The following PROM2 variants were observed in gnomAD, a reference collection of about 807,000 sequenced individuals.
The protein encoded by PROM2 is prominin 2.
PROM2 carries 90 observed loss-of-function variants against 110.2 expected under a neutral mutation model. The ratio of observed to expected loss-of-function variants is 0.82; its 90% CI spans 0.69 to 0.97. The LOEUF (loss-of-function observed/expected upper bound fraction) is 0.97, where lower values mean the gene tolerates loss of function less well. Ranked by LOEUF, PROM2 falls within the 50% of genes least tolerant of loss-of-function variation. The probability of loss-of-function intolerance (pLI) is 0.00; values close to 1 mark genes in which losing one functional copy is unlikely to be tolerated. For missense variants in PROM2, 1,009 were observed against 1,074.8 expected (o/e 0.94, Z 0.86); for synonymous variants, 470 against 467.8 (o/e 1.00, Z -0.06).
rs768787731 is a variant in PROM2 at position 95,277,942 on chromosome 2, G to C, written c.988G>C (p.Asp330His). The C allele has an allele frequency of 2.5e-6, 4 of 1,612,248 alleles. No homozygotes were observed. The highest frequency in any genetic ancestry group is 3.4e-6 in the Non-Finnish European group (4 of 1,179,534). Residue 330 changes from aspartate (D) to histidine (H), a missense_variant, in exon 8 of 24, where the codon GAC (aspartate) becomes CAC (histidine). By Grantham distance (81) the Asp-to-His change is moderately conservative. Coordinates refer to ENST00000317620, the MANE Select transcript of PROM2 (RefSeq NM_001165978.3). ...TCCCCCATTTCAGGTGCCCTCTGTG[G>C]ACCATGTCCTGCACCAGCTAAAAGG... Reference protein sequence around the residue: ...GADFSQVPSVDHVLHQLKGVP... With the variant: ...GADFSQVPSVHHVLHQLKGVP...
At chr2:95,287,259 T>C in intron 19 of PROM2, 46 bp downstream of exon 19, 3 of 1,583,874 alleles carry the variant, frequency 1.9e-6, no homozygotes, top group Non-Finnish European at 2.6e-6. Context: ...CCCAGGCTTC[T>C]CCAGTCCCAG....
chr2:95,285,357 T>C (rs190009286), intron 15 of PROM2, among the ~76,000 whole-genome samples: 1 of 152,314 alleles, frequency 6.6e-6, no homozygotes, highest in East Asian at 1.9e-4. Context: ...TTGCTGTTCA[T>C]GGTCCTGAAC....
intron 6 of PROM2, 141 bp downstream of exon 6, chr2:95,277,202 C>A (rs1325130108): frequency 4.5e-6 from 5 of 1,108,812 alleles, no homozygotes; most frequent in Non-Finnish European, 6.4e-6. Flanking sequence ...CAGGATCCAG[C>A]CCCCCTCCCC....
chr2:95,279,283 T>A (rs1676884962), intron 10 of PROM2, 139 bp downstream of exon 10: 1 of 697,210 alleles, frequency 1.4e-6, no homozygotes, highest in Non-Finnish European at 2.2e-6. Context: ...TGTTTGTTTG[T>A]TTGTTTTTGT....
chr2:95,282,636 C>T (rs570274576), intron 14 of PROM2, among the ~76,000 whole-genome samples: 9 of 152,250 alleles, frequency 5.9e-5, no homozygotes, highest in Non-Finnish European at 1.0e-4. Flanking sequence ...GCCAAGCTCA[C>T]GCAGGTGGGA....
At chr2:95,286,992 C>A in intron 18 of PROM2, 135 bp downstream of exon 18, 4 of 1,265,876 alleles carry the variant, frequency 3.2e-6, no homozygotes, top group Non-Finnish European at 4.5e-6. Context: ...ATGGGGGTGG[C>A]AGCAGAGCCT....
intron 9 of PROM2, 72 bp from the exon 10 acceptor site, chr2:95,278,913 C>G: frequency 6.2e-7 from 1 of 1,601,614 alleles, no homozygotes; most frequent in Non-Finnish European, 8.5e-7. Flanking sequence ...AGATGTTCTT[C>G]CTGCCCGCTT....
chr2:95,284,890 C>G (rs1677254124), intron 14 of PROM2, 79 bp from the exon 15 acceptor site: 1 of 1,452,086 alleles, frequency 6.9e-7, no homozygotes, highest in African/African-American at 1.4e-5. Context: ...CGCCTGGTGA[C>G]CCCTGTGCTT....
chr2:95,276,755 C>A lies in PROM2; in HGVS notation c.682+98C>A. The A allele has an allele frequency of 7.3e-7, 1 of 1,373,452 alleles. No homozygotes were observed. The highest frequency in any genetic ancestry group is 1.0e-6 in the Non-Finnish European group (1 of 976,628). 85.1% of individuals were successfully genotyped at this position (1,373,452 alleles called of 1,614,324 possible). A position where few individuals can be genotyped will look rare whatever the true frequency, so the allele number is the denominator to read the frequency against. On this transcript the variant is annotated intron_variant, in intron 5 of 23. Transcript: ENST00000317620. The surrounding 1 kb of genome is among the most constrained non-coding windows in gnomAD (Gnocchi z 4.6). ...TCTCACTCCCTCATTCTGGACACCC[C>A]CGGGAACAGGCTGGTAGAGGTGGGG...
chr2:95,284,977 C>T lies in PROM2; in HGVS notation c.1737C>T (p.Asn579=), dbSNP rs1340279717. Residue 579 remains asparagine (N), a synonymous_variant, in exon 15 of 24, where the codon AAC becomes AAT. Transcript: ENST00000317620. ...TGCGCCTGCTCTCCCAGTATACCAA[C>T]AAGCTACGGCAGGAGTTGCAGAGCC... ...EEHLDINQYT[N]KLRQELQSLK... 6.2e-7 allele frequency: 1 copy of T among 1,610,416 alleles called. No individual in the cohort carries two copies. The highest frequency in any genetic ancestry group is 8.5e-7 in the Non-Finnish European group (1 of 1,178,164).
At position 95,277,046 on chromosome 2, in the gene PROM2, G is replaced by A; in HGVS notation, c.757G>A (p.Gly253Ser). The change falls in exon 6 of 24, where the codon GGC (glycine) becomes AGC (serine). Residue 253 changes from glycine (G) to serine (S), a missense_variant. Transcript: ENST00000317620. ...CGTGTACCCCTTGCTGGCGGCCGTG[G>A]GCAGTTTGGGCCAGGGTGAGCTGGA... is the stretch of plus-strand genomic sequence containing the variant. ...SSVYPLLAAV[G>S]SLGQVLQVSV... 6.4e-7 allele frequency: 1 copy of A among 1,551,680 alleles called. No homozygotes were observed. Among genetic ancestry groups the A allele is most frequent in the Non-Finnish European group, 8.7e-7 (1 of 1,147,066 alleles).
In PROM2 at chr2:95,274,740, C is replaced by G. The variant is rs765125055; in HGVS notation, c.155C>G (p.Pro52Arg). 6.2e-7 allele frequency: 1 copy of G among 1,612,050 alleles called. No homozygotes were observed. Among genetic ancestry groups the G allele is most frequent in the South Asian group, 1.1e-5 (1 of 91,036 alleles). ...TPAARARWLA[P>R]RVRAPGLLDS... ...GCAGCCAGGGCCCGGTGGCTGGCCCCTCGAGTTCGTGCGCCAGGACTCCTG... is the reference window on the plus strand; with the variant it reads ...GCAGCCAGGGCCCGGTGGCTGGCCCGTCGAGTTCGTGCGCCAGGACTCCTG... The change falls in exon 1 of 24, where the codon CCT (proline) becomes CGT (arginine). Residue 52 changes from proline (P) to arginine (R), a missense_variant. By Grantham distance (103) the Pro-to-Arg change is moderately radical. Transcript: ENST00000317620.
chr2:95,286,208 G>A (rs1369129157), intron 16 of PROM2, among the ~76,000 whole-genome samples: 1 of 152,234 alleles, frequency 6.6e-6, no homozygotes, highest in Non-Finnish European at 1.5e-5. Context: ...CACAGGGTGG[G>A]CAGAGCCAGA....
At position 95,284,932 on chromosome 2, in the gene PROM2, A is replaced by C. The variant is rs761902775; in HGVS notation, c.1729-37A>C. On this transcript the variant is annotated intron_variant, in intron 14 of 23. Transcript: ENST00000317620. ...GCATCTCTGGGGTCCTGGCTCAGCA[A>C]CTGGGCATGACTCCCACCCTGCGCC... is the stretch of plus-strand genomic sequence containing the variant. 61 of 1,591,436 alleles carry C rather than the reference A, an allele frequency of 3.8e-5. No homozygotes were observed. In the Middle Eastern group the frequency reaches 5.0e-4, roughly 13 times the overall value.
In PROM2 at chr2:95,275,038, T is replaced by C. The variant is rs554692771; in HGVS notation, c.244+209T>C. The C allele has an allele frequency of 5.4e-6, 3 of 559,224 alleles. No homozygotes were observed. The highest frequency in any genetic ancestry group is 3.6e-4 in the Middle Eastern group (1 of 2,740). The allele number at this position is 559,224 out of a possible 1,614,324, so 34.6% of individuals were successfully genotyped here. A position where few individuals can be genotyped will look rare whatever the true frequency, so the allele number is the denominator to read the frequency against. On this transcript the variant is annotated intron_variant, in intron 1 of 23. Coordinates refer to ENST00000317620, the MANE Select transcript of PROM2 (RefSeq NM_001165978.3). The surrounding 1 kb of genome is among the most constrained non-coding windows in gnomAD (Gnocchi z 4.4). ...TCCTCTCTGAGCCTCAGGTGCTCTG[T>C]CTGTAAAGTGAGGAGGTTACATTGG...
intron 22 of PROM2, 137 bp downstream of exon 22, chr2:95,288,726 T>A: frequency 3.6e-6 from 3 of 829,376 alleles, no homozygotes; most frequent in Non-Finnish European, 5.8e-6. Flanking sequence ...AGAGCCACAC[T>A]CTGAGGAGCT....
intron 15 of PROM2, 100 bp from the exon 16 acceptor site, chr2:95,285,539 T>G: frequency 1.1e-6 from 1 of 931,468 alleles, no homozygotes; most frequent in East Asian, 2.7e-5. Flanking sequence ...TGGTGTAGGT[T>G]ATATTTGATA....
rs143453446 is a variant in PROM2, at chr2:95,278,316, C to T, written c.1050+312C>T. On this transcript the variant is annotated intron_variant, in intron 8 of 23. Coordinates refer to ENST00000317620, the MANE Select transcript of PROM2 (RefSeq NM_001165978.3). ...GGGAGGATGCGGTGTTGTGAGTCAG[C>T]GCCCAGGACCCAGGACCTGGAGCTG... 2.9e-4 allele frequency: 156 copies of T among 529,460 alleles called. 1 individual carries two copies. Among genetic ancestry groups the T allele is most frequent in the South Asian group, 1.8e-3 (79 of 43,536 alleles). The allele number at this position is 529,460 out of a possible 1,614,324, so 32.8% of individuals were successfully genotyped here.
At chr2:95,286,952 G>T (rs1359397067) in intron 18 of PROM2, 95 bp downstream of exon 18, 5 of 1,446,376 alleles carry the variant, frequency 3.5e-6, no homozygotes, top group East Asian at 2.3e-5. Flanking sequence ...TCAGAGCTCT[G>T]CCCAGGTTGC....
Sources: gnomAD v4.1 joint callset for allele counts (sites outside exome capture counted in the v4.1 genomes callset) on GRCh38, gnomAD v4.1.1 for gene constraint, Gnocchi (gnomAD v3.1) non-coding constraint, MANE v1.5 for transcripts, NCBI Gene and HGNC (gene_info 2026-07-23, HGNC 2026-07-21) for gene names.